AADACL2: variants seen among roughly 807,000 people sequenced by gnomAD.
AADACL2 encodes the protein arylacetamide deacetylase-like 2.
AADACL2 carries 23 observed loss-of-function variants against 22.3 expected under a neutral mutation model. The observed-to-expected ratio is 1.03, with a 90% CI of 0.74 to 1.46. AADACL2 has a LOEUF of 1.46. AADACL2 is among the 40% of genes most tolerant of loss of function. AADACL2 has a pLI of 0.00. For missense variants in AADACL2, 472 were observed against 482.9 expected, an observed-to-expected ratio of 0.98 and a Z score of 0.21; for synonymous variants, 177 against 166.2, an observed-to-expected ratio of 1.07 and a Z score of -0.50.
rs1187931533 is a variant in AADACL2 at position 151,757,677 on chromosome 3, TTTGAG to T, written c.*86_*90del. 2 of 1,454,612 alleles carry T rather than the reference TTTGAG, an allele frequency of 1.4e-6. No homozygotes were observed. Among genetic ancestry groups the T allele is most frequent in the Admixed American group, 2.2e-5 (1 of 44,738 alleles). 90.1% of individuals were successfully genotyped at this position (1,454,612 alleles called of 1,614,324 possible). On this transcript the variant is annotated 3_prime_UTR_variant, in exon 5 of 5. Coordinates refer to ENST00000356517, the MANE Select transcript of AADACL2 (RefSeq NM_207365.4). ...GGTTTTGGAGCAAAGAACAATGTCA[TTTGAG>T]TTATCTAAATCTACATTTGCAACAT...
chr3:151,752,909 A>G (rs1258131082), intron 4 of AADACL2, among the ~76,000 whole-genome samples: 1 of 152,216 alleles, frequency 6.6e-6, no homozygotes, highest in Admixed American at 6.5e-5. Context: ...ATAAAGCCGT[A>G]TGATCTTATT....
Position 151,744,908 on chromosome 3 carries a change from G to A in AADACL2, c.432-601G>A, listed in dbSNP as rs113794389. Among the ~76,000 whole-genome samples, 374 of 152,106 alleles carry A rather than the reference G, an allele frequency of 2.5e-3. 2 individuals are homozygous for A. Among genetic ancestry groups the A allele is most frequent in the African/African-American group, 8.8e-3 (364 of 41,528 alleles). ...ACACACTGGGGAAAAAATAATTTGT[G>A]CCCATGAAAAGAAGAGTGTGATAAT... is the stretch of plus-strand genomic sequence containing the variant. On this transcript the variant is annotated intron_variant, in intron 3 of 4. Transcript: ENST00000356517.
intron 2 of AADACL2, among the ~76,000 whole-genome samples, chr3:151,743,572 A>T (rs984944346): frequency 1.3e-5 from 2 of 152,144 alleles, no homozygotes; most frequent in African/African-American, 2.4e-5. Flanking sequence ...CTTAATGCCA[A>T]TGTTATTGGA....
chr3:151,739,269 T>C (rs1301254801), intron 1 of AADACL2, among the ~76,000 whole-genome samples: 2 of 152,338 alleles, frequency 1.3e-5, no homozygotes, highest in Non-Finnish European at 2.9e-5. Context: ...TGCAGGTCTG[T>C]TGCAGTTTGC....
chr3:151,739,549 G>A (rs9832086), intron 1 of AADACL2, among the ~76,000 whole-genome samples: 35,331 of 152,116 alleles, frequency 0.23, 4,288 homozygotes, highest in Middle Eastern at 0.31. Context: ...CTCCTTCTCA[G>A]GATCAGCTGC....
Position 151,745,501 on chromosome 3 carries a change from C to G in AADACL2, c.432-8C>G. On this transcript the variant is annotated splice_region_variant and splice_polypyrimidine_tract_variant and intron_variant, in intron 3 of 4. Coordinates refer to ENST00000356517, the MANE Select transcript of AADACL2 (RefSeq NM_207365.4). Reference sequence around the variant, plus strand: ...AACCATAAATGCTTTATTATTCTTTCTTTAAAGCTATAGGCTGGCTCCTCA... The same window carrying G: ...AACCATAAATGCTTTATTATTCTTTGTTTAAAGCTATAGGCTGGCTCCTCA... The G allele has an allele frequency of 6.2e-7, 1 of 1,607,610 alleles. No individual in the cohort carries two copies. The highest frequency in any genetic ancestry group is 8.5e-7 in the Non-Finnish European group (1 of 1,177,762).
At chr3:151,752,368 T>C (rs913528434) in intron 4 of AADACL2, among the ~76,000 whole-genome samples, 2 of 152,204 alleles carry the variant, frequency 1.3e-5, no homozygotes, top group African/African-American at 4.8e-5. Flanking sequence ...TACCCTGTCA[T>C]TTTCTCTTGT....
Position 151,757,023 on chromosome 3 carries a change from T to A in AADACL2, c.635T>A (p.Ile212Asn). 6.2e-7 allele frequency: 1 copy of A among 1,607,378 alleles called. No individual in the cohort carries two copies. Among genetic ancestry groups the A allele is most frequent in the Non-Finnish European group, 8.5e-7 (1 of 1,178,020 alleles). Reference sequence around the variant, plus strand: ...AATGATGCTGAAATAAAACATAAAATCAAGATGCAAGTCTTACTTTACCCT... The same window carrying A: ...AATGATGCTGAAATAAAACATAAAAACAAGATGCAAGTCTTACTTTACCCT... ...VQNDAEIKHK[I>N]KMQVLLYPGL... The change falls in exon 5 of 5, where the codon ATC becomes AAC. Residue 212 changes from isoleucine (I) to asparagine (N), a missense_variant. Transcript: ENST00000356517.
intron 3 of AADACL2, among the ~76,000 whole-genome samples, chr3:151,744,826 A>G (rs1713385313): frequency 1.3e-5 from 2 of 152,164 alleles, no homozygotes; most frequent in Admixed American, 1.3e-4. Context: ...TGAAGATCAA[A>G]AAGAAAAAGC....
chr3:151,740,601 A>G (rs200153957), intron 1 of AADACL2, 45 bp from the exon 2 acceptor site: 15 of 1,291,844 alleles, frequency 1.2e-5, no homozygotes, highest in Non-Finnish European at 1.6e-5. Flanking sequence ...ATTTGGTGTT[A>G]TTTAAATATC....
At chr3:151,752,269 T>C (rs893782594) in intron 4 of AADACL2, among the ~76,000 whole-genome samples, 2 of 152,190 alleles carry the variant, frequency 1.3e-5, no homozygotes, top group Non-Finnish European at 2.9e-5. Context: ...GTATCAATAA[T>C]CACCACTGAG....
chr3:151,748,252 T>G (rs1713526424), intron 4 of AADACL2, among the ~76,000 whole-genome samples: 1 of 152,232 alleles, frequency 6.6e-6, no homozygotes, highest in Admixed American at 6.5e-5. Flanking sequence ...TTATATTAAG[T>G]GTTAGACCTT....
chr3:151,745,542 T>C lies in AADACL2; in HGVS notation c.465T>C (p.Ala155=). 1 of 1,613,866 alleles carries C rather than the reference T, an allele frequency of 6.2e-7. No homozygotes were observed. Among genetic ancestry groups the C allele is most frequent in the Non-Finnish European group, 8.5e-7 (1 of 1,179,856 alleles). Reference sequence around the variant, plus strand: ...TGGCTCCTCAACACCACTTTCCTGCTCAGTTTGAAGATGGCCTTGCTGCAG... The same window carrying C: ...TGGCTCCTCAACACCACTTTCCTGCCCAGTTTGAAGATGGCCTTGCTGCAG... The part of the protein sequence containing the change: ...YRLAPQHHFP[A]QFEDGLAAVK... Residue 155 remains alanine (A), a synonymous_variant, in exon 4 of 5, where the codon GCT becomes GCC. Coordinates refer to ENST00000356517, the MANE Select transcript of AADACL2 (RefSeq NM_207365.4).
intron 4 of AADACL2, among the ~76,000 whole-genome samples, chr3:151,748,011 T>C (rs1313784584): frequency 6.6e-6 from 1 of 152,196 alleles, no homozygotes; most frequent in Non-Finnish European, 1.5e-5. Context: ...ATTTTGAATA[T>C]TAACCCCTTA....
chr3:151,740,654 T>C lies in AADACL2; in HGVS notation c.147T>C (p.Cys49=). The change falls in exon 2 of 5, where the codon TGT becomes TGC. Residue 49 remains cysteine, a synonymous_variant. Transcript: ENST00000356517. ...TTGTTTTGTTCTTACAGGCTATGTG[T>C]TTTGAAAATATGCGTATTATGAGAT... ...IAKTCTFTAM[C]FENMRIMRYE... is the part of the protein sequence containing the mutation. 6.2e-7 allele frequency: 1 copy of C among 1,606,646 alleles called. No individual in the cohort carries two copies. The highest frequency in any genetic ancestry group is 8.5e-7 in the Non-Finnish European group (1 of 1,175,312).
chr3:151,757,781 A>T lies in AADACL2; in HGVS notation c.*187A>T. 1 of 532,148 alleles carries T rather than the reference A, an allele frequency of 1.9e-6. No individual in the cohort carries two copies. The allele number at this position is 532,148 out of a possible 1,614,324, so 33.0% of individuals were successfully genotyped here. On this transcript the variant is annotated 3_prime_UTR_variant, in exon 5 of 5. Coordinates refer to ENST00000356517, the MANE Select transcript of AADACL2 (RefSeq NM_207365.4). The stretch of plus-strand genomic sequence containing the variant: ...TGCAGACCCTGAATATGTAAAATGT[A>T]TGTAATCCTGCCTATTTTCTCCTTA...
At chr3:151,754,320 G>T (rs989026486) in intron 4 of AADACL2, among the ~76,000 whole-genome samples, 2 of 152,112 alleles carry the variant, frequency 1.3e-5, no homozygotes, top group African/African-American at 2.4e-5. Context: ...TATAAACTTA[G>T]GAGACCAGTC....
chr3:151,752,500 G>A (rs1225403838), intron 4 of AADACL2, among the ~76,000 whole-genome samples: 1 of 152,158 alleles, frequency 6.6e-6, no homozygotes, highest in Non-Finnish European at 1.5e-5. Flanking sequence ...GATGTGGCTT[G>A]CTGGTCACAA....
chr3:151,754,552 A>G lies in AADACL2; in HGVS notation c.604-2440A>G, dbSNP rs542456076. On this transcript the variant is annotated intron_variant, in intron 4 of 4. Transcript: ENST00000356517. ...AATTATAAAAGGAAAGTTCAAATGC[A>G]TACTATCCATTGTGTTTTCATGAAA... 4.6e-5 allele frequency among the ~76,000 whole-genome samples: 7 copies of G among 152,284 alleles called. No individual in the cohort carries two copies. In the East Asian group the frequency reaches 1.4e-3, roughly 29 times the overall value.
Sources: allele counts gnomAD v4.1 joint callset (sites outside exome capture counted in the v4.1 genomes callset), GRCh38; gene constraint gnomAD v4.1.1; transcripts MANE v1.5; gene names NCBI Gene and HGNC (gene_info 2026-07-23, HGNC 2026-07-21).